The following ZFYVE9 variants were observed in gnomAD, a reference collection of about 807,000 sequenced individuals.
ZFYVE9 encodes zinc finger FYVE-type containing 9, also known as zinc finger FYVE domain-containing protein 9.
Under a neutral mutation model 126.7 loss-of-function variants are expected in ZFYVE9, and 43 were observed. The observed-to-expected ratio is 0.34, with a 90% CI of 0.27 to 0.44. The LOEUF is 0.44. Among genes scored for constraint, ZFYVE9 ranks in the 20% least tolerant of loss-of-function variants. ZFYVE9 has a pLI of 1.00. For missense variants in ZFYVE9, 1,476 were observed against 1,697.0 expected (o/e 0.87, Z 2.29); for synonymous variants, 521 against 597.4 (o/e 0.87, Z 1.87).
chr1:52,245,782 A>T (rs977465655), intron 4 of ZFYVE9, among the ~76,000 whole-genome samples: 3 of 152,170 alleles, frequency 2.0e-5, no homozygotes, highest in Admixed American at 2.0e-4. Context: ...ATACGGTAGG[A>T]CCCTGACACA....
chr1:52,265,771 T>C (rs922426557), intron 5 of ZFYVE9, among the ~76,000 whole-genome samples: 5 of 152,198 alleles, frequency 3.3e-5, no homozygotes, highest in African/African-American at 1.2e-4. Context: ...TTGAGATGTG[T>C]CCTCCTGAGC....
chr1:52,214,506 A>G (rs1428712461), intron 1 of ZFYVE9, among the ~76,000 whole-genome samples: 2 of 152,184 alleles, frequency 1.3e-5, no homozygotes, highest in African/African-American at 4.8e-5. Flanking sequence ...TCCACCAGCC[A>G]GATTTCAGCT....
chr1:52,314,761 G>A (rs1569738039), intron 13 of ZFYVE9, among the ~76,000 whole-genome samples: 1 of 151,874 alleles, frequency 6.6e-6, no homozygotes, highest in Admixed American at 6.6e-5. Flanking sequence ...GCAGTGAGCC[G>A]AGATTGCACC....
chr1:52,336,024 C>T (rs1361329846), intron 15 of ZFYVE9, among the ~76,000 whole-genome samples: 1 of 151,968 alleles, frequency 6.6e-6, no homozygotes, highest in East Asian at 1.9e-4. Flanking sequence ...ATCCCAGCTA[C>T]TTGGGAGGCT....
At chr1:52,255,106 A>T (rs1261974175) in intron 4 of ZFYVE9, among the ~76,000 whole-genome samples, 1 of 151,596 alleles carries the variant, frequency 6.6e-6, no homozygotes, top group Non-Finnish European at 1.5e-5. Flanking sequence ...AAAAAAAAAA[A>T]GGTTAATGGT....
intron 13 of ZFYVE9, among the ~76,000 whole-genome samples, chr1:52,309,441 T>C (rs1209260440): frequency 1.3e-5 from 2 of 152,112 alleles, no homozygotes; most frequent in Non-Finnish European, 2.9e-5. Flanking sequence ...ATTTCTCCAC[T>C]GCACTCCAGC....
rs148023393 is a variant in ZFYVE9 at position 52,156,544 on chromosome 1, C to G, written c.-143+14141C>G. ...GCCATTCTCTGTCTGATAGCTCTTA[C>G]TCCTCAGGTCAAAGACCCGGGGTGG... On this transcript the variant is annotated intron_variant, in intron 1 of 18. Coordinates refer to ENST00000287727, the MANE Select transcript of ZFYVE9 (RefSeq NM_004799.4). Among the ~76,000 whole-genome samples the G allele has an allele frequency of 8.5e-5, 13 of 152,336 alleles. No homozygotes were observed. In the East Asian group the frequency reaches 2.3e-3, roughly 27 times the overall value.
chr1:52,283,888 G>C (rs151305203), intron 10 of ZFYVE9, among the ~76,000 whole-genome samples: 242 of 152,190 alleles, frequency 1.6e-3, no homozygotes, highest in African/African-American at 5.3e-3. Context: ...TTTTTAAAAA[G>C]ATATTGCAGG....
At chr1:52,209,392 G>C (rs925346916) in intron 1 of ZFYVE9, among the ~76,000 whole-genome samples, 1 of 152,092 alleles carries the variant, frequency 6.6e-6, no homozygotes, top group Admixed American at 6.5e-5. Flanking sequence ...CACACATTCA[G>C]TGGTTTTCAG....
intron 1 of ZFYVE9, among the ~76,000 whole-genome samples, chr1:52,150,701 G>C (rs990029142): frequency 6.6e-6 from 1 of 150,520 alleles, no homozygotes; most frequent in East Asian, 2.0e-4. Context: ...TGGGAACCCG[G>C]AGGGGAGGTG....
intron 4 of ZFYVE9, 132 bp from the exon 5 acceptor site, chr1:52,263,640 AT>A: frequency 2.1e-6 from 1 of 469,788 alleles, no homozygotes; most frequent in East Asian, 3.3e-5. Context: ...CCTGAACTAC[AT>A]TTTCTTTGAA....
chr1:52,213,330 T>C (rs146025619), intron 1 of ZFYVE9, among the ~76,000 whole-genome samples: 4 of 152,296 alleles, frequency 2.6e-5, no homozygotes, highest in African/African-American at 9.6e-5. Context: ...ATGTCACTTC[T>C]CAAAGGTAAG....
Position 52,237,616 on chromosome 1 carries a change from C to T in ZFYVE9, c.199C>T (p.Pro67Ser), listed in dbSNP as rs41313248. ...ATCTGCAGTTTCTAATGAGTCACAA[C>T]CACAACTGAAAGTCTTCTCCCTGGC... is the stretch of plus-strand genomic sequence containing the variant. Reference protein sequence around the residue: ...NESAVSNESQPQLKVFSLAHS... With the variant: ...NESAVSNESQSQLKVFSLAHS... The change falls in exon 4 of 19, where the codon CCA (proline) becomes TCA (serine). Residue 67 changes from proline (P) to serine (S), a missense_variant. Pro to Ser is a moderately conservative substitution (Grantham distance 74, BLOSUM62 -1). Transcript: ENST00000287727. 3,983 of 1,614,070 alleles carry T rather than the reference C, an allele frequency of 2.5e-3. 9 individuals are homozygous for T. Among genetic ancestry groups the T allele is most frequent in the Admixed American group, 3.3e-3 (197 of 60,006 alleles).
chr1:52,306,674 A>G (rs560417912), intron 13 of ZFYVE9, among the ~76,000 whole-genome samples: 2 of 152,374 alleles, frequency 1.3e-5, no homozygotes, highest in South Asian at 2.1e-4. Flanking sequence ...TCCCTGAGCC[A>G]GGGCTGTGAC....
At chr1:52,290,001 C>T (rs936531866) in intron 10 of ZFYVE9, among the ~76,000 whole-genome samples, 1 of 152,104 alleles carries the variant, frequency 6.6e-6, no homozygotes, top group East Asian at 1.9e-4. Context: ...ATATTTTTCA[C>T]CTCTAAGCTA....
chr1:52,240,728 A>G (rs1461755728), intron 4 of ZFYVE9, among the ~76,000 whole-genome samples: 1 of 152,162 alleles, frequency 6.6e-6, no homozygotes, highest in Non-Finnish European at 1.5e-5. Flanking sequence ...CCTAAGCACA[A>G]AGAAACTGGC....
chr1:52,194,178 A>G (rs1035663665), intron 1 of ZFYVE9, among the ~76,000 whole-genome samples: 2 of 152,216 alleles, frequency 1.3e-5, no homozygotes, highest in African/African-American at 4.8e-5. Context: ...AACAAGTTAT[A>G]GAGCCTTCCC....
At chr1:52,226,440 G>T (rs1196568725) in intron 2 of ZFYVE9, among the ~76,000 whole-genome samples, 1 of 152,218 alleles carries the variant, frequency 6.6e-6, no homozygotes, top group South Asian at 2.1e-4. Context: ...GGAGGCTGAG[G>T]CAGGAGAATC....
Position 52,255,948 on chromosome 1 carries a change from CTTTTCTTTTCTTTTCT to C in ZFYVE9, c.2179-7821_2179-7806del, listed in dbSNP as rs1470572126. ...CTTTTCTTTTCTTTTCTTTTCTTTTCTTTTCTTTTCTTTTCTTTTCTTTCTTTCTTTCTTTCCTTCC... is the reference window on the plus strand; with the variant it reads ...CTTTTCTTTTCTTTTCTTTTCTTTTCTTTCTTTCTTTCTTTCTTTCCTTCC... On this transcript the variant is annotated intron_variant, in intron 4 of 18. Coordinates refer to ENST00000287727, the MANE Select transcript of ZFYVE9 (RefSeq NM_004799.4). Among the ~76,000 whole-genome samples, 856 of 113,366 alleles carry C rather than the reference CTTTTCTTTTCTTTTCT, an allele frequency of 7.6e-3. 12 individuals carry two copies. The highest frequency in any genetic ancestry group is 0.023 in the African/African-American group (516 of 22,166). 74.4% of individuals were successfully genotyped at this position (113,366 alleles called of 152,430 possible). A position where few individuals can be genotyped will look rare whatever the true frequency, so the allele number is the denominator to read the frequency against.
Sources: allele counts gnomAD v4.1 joint callset (sites outside exome capture counted in the v4.1 genomes callset), GRCh38; gene constraint gnomAD v4.1.1; transcripts MANE v1.5; gene names NCBI Gene and HGNC (gene_info 2026-07-23, HGNC 2026-07-21).